ATG7: variants seen among roughly 807,000 people sequenced by gnomAD.
ATG7 encodes the protein ubiquitin-like modifier-activating enzyme ATG7.
In ATG7, 70 loss-of-function variants were observed where a neutral mutation model predicts 82.4. The observed-to-expected ratio is 0.85, with a 90% CI of 0.70 to 1.04. The LOEUF (loss-of-function observed/expected upper bound fraction) is 1.04. Among genes scored for constraint, ATG7 ranks in the 50% least tolerant of loss-of-function variants. The pLI is 0.00. For synonymous variants in ATG7, 287 were observed against 313.0 expected, an observed-to-expected ratio of 0.92 and a Z score of 0.88; for missense variants, 792 against 864.3, an observed-to-expected ratio of 0.92 and a Z score of 1.05.
intron 17 of ATG7, chr3:11,363,184 G>T: frequency 2.5e-6 from 1 of 393,456 alleles, no homozygotes; most frequent in Non-Finnish European, 4.7e-6. Flanking sequence ...GCTTATATAG[G>T]GCTTACTTTG....
At chr3:11,440,514 C>T (rs1190201134) in intron 20 of ATG7, among the ~76,000 whole-genome samples, 3 of 148,070 alleles carry the variant, frequency 2.0e-5, no homozygotes, top group Non-Finnish European at 4.5e-5. Flanking sequence ...TTAGTAGAGA[C>T]GGGGTTTCAC....
intron 20 of ATG7, among the ~76,000 whole-genome samples, chr3:11,471,203 T>A (rs2087473404): frequency 6.6e-6 from 1 of 152,116 alleles, no homozygotes; most frequent in Non-Finnish European, 1.5e-5. Flanking sequence ...CAGAATGAGA[T>A]CAGCTCTTCA....
chr3:11,437,518 T>C (rs1380567108), intron 20 of ATG7, among the ~76,000 whole-genome samples: 1 of 152,156 alleles, frequency 6.6e-6, no homozygotes, highest in Non-Finnish European at 1.5e-5. Flanking sequence ...GTTTAGAGGA[T>C]CTAAATCCCA....
At chr3:11,279,500 A>G (rs146005393) in intron 1 of ATG7, among the ~76,000 whole-genome samples, 28 of 152,302 alleles carry the variant, frequency 1.8e-4, no homozygotes, top group African/African-American at 5.5e-4. Context: ...CCTGACCAAC[A>G]TAGTGAAACC....
chr3:11,452,119 C>T (rs1446312303), intron 20 of ATG7, among the ~76,000 whole-genome samples: 4 of 151,852 alleles, frequency 2.6e-5, no homozygotes, highest in Admixed American at 2.6e-4. Context: ...TGTGGTGCCT[C>T]ACATCTGTAA....
At chr3:11,478,319 A>G (rs1193229945) in intron 20 of ATG7, among the ~76,000 whole-genome samples, 1 of 152,244 alleles carries the variant, frequency 6.6e-6, no homozygotes, top group Non-Finnish European at 1.5e-5. Flanking sequence ...AGACCAAGGT[A>G]TGAAAGTATT....
intron 20 of ATG7, among the ~76,000 whole-genome samples, chr3:11,518,715 G>A (rs1030362032): frequency 6.6e-6 from 1 of 152,174 alleles, no homozygotes; most frequent in Non-Finnish European, 1.5e-5. Context: ...TCCCAGAGTG[G>A]CCCATACCCA....
chr3:11,378,425 GTAACCCC>G (rs2077599613), intron 18 of ATG7, among the ~76,000 whole-genome samples: 1 of 150,972 alleles, frequency 6.6e-6, no homozygotes, highest in African/African-American at 2.4e-5. Flanking sequence ...GCTCACGCCC[GTAACCCC>G]AGCACTTTGG....
chr3:11,375,636 T>C (rs2077362384), intron 18 of ATG7, among the ~76,000 whole-genome samples: 1 of 152,204 alleles, frequency 6.6e-6, no homozygotes, highest in Non-Finnish European at 1.5e-5. Flanking sequence ...CGCAGCTCAC[T>C]GCAACCTCTG....
the ATG7 span, chr3:11,564,836 G>C: frequency 6.3e-7 from 1 of 1,597,778 alleles, no homozygotes; most frequent in Non-Finnish European, 8.5e-7. Context: ...GCGAGAGGCC[G>C]GCTGGCCTGC....
chr3:11,395,610 G>A (rs1333766122), intron 19 of ATG7, among the ~76,000 whole-genome samples: 1 of 152,086 alleles, frequency 6.6e-6, no homozygotes, highest in Non-Finnish European at 1.5e-5. Flanking sequence ...GGAAAGAAAC[G>A]CATCCCACAA....
chr3:11,522,241 T>C (rs984106332), intron 20 of ATG7, among the ~76,000 whole-genome samples: 3 of 152,154 alleles, frequency 2.0e-5, no homozygotes, highest in Admixed American at 6.5e-5. Flanking sequence ...GGAACAGCCC[T>C]GTGGAAGAGG....
At chr3:11,285,336 G>A (rs1391229699) in intron 3 of ATG7, among the ~76,000 whole-genome samples, 1 of 151,346 alleles carries the variant, frequency 6.6e-6, no homozygotes, top group Non-Finnish European at 1.5e-5. Flanking sequence ...ACAGGTGCCT[G>A]GCAATTTTTT....
chr3:11,418,027 G>A (rs2081552757), intron 19 of ATG7, among the ~76,000 whole-genome samples: 1 of 151,024 alleles, frequency 6.6e-6, no homozygotes, highest in African/African-American at 2.4e-5. Context: ...TAGCCAGGAT[G>A]GTCTCGATCT....
chr3:11,414,220 C>T (rs1245742002), intron 19 of ATG7, among the ~76,000 whole-genome samples: 3 of 152,092 alleles, frequency 2.0e-5, no homozygotes, highest in African/African-American at 7.2e-5. Flanking sequence ...TGCACACCAC[C>T]ACACCTAGCT....
chr3:11,553,078 C>G (rs2071975851), intron 20 of ATG7, among the ~76,000 whole-genome samples: 1 of 152,112 alleles, frequency 6.6e-6, no homozygotes, highest in African/African-American at 2.4e-5. Context: ...GGCAGGAGGT[C>G]CCGGAGGACA....
chr3:11,519,684 C>T (rs529147519), intron 20 of ATG7, among the ~76,000 whole-genome samples: 5 of 150,990 alleles, frequency 3.3e-5, no homozygotes, highest in South Asian at 2.1e-4. Flanking sequence ...CTCAGCCTCC[C>T]GAGTAGCTGG....
intron 20 of ATG7, among the ~76,000 whole-genome samples, chr3:11,429,946 A>G (rs2082718414): frequency 1.5e-5 from 1 of 67,200 alleles, no homozygotes; most frequent in Non-Finnish European, 3.5e-5. Context: ...ACTCTGTCTC[A>G]GGAAAAAAAA....
Position 11,339,582 on chromosome 3 carries a change from A to T in ATG7, c.890-1063A>T, listed in dbSNP as rs567231549. 2.0e-3 allele frequency among the ~76,000 whole-genome samples: 304 copies of T among 152,354 alleles called. 2 individuals are homozygous for T. Among genetic ancestry groups the T allele is most frequent in the African/African-American group, 7.2e-3 (298 of 41,582 alleles). ...GGAGCGCAAGAGAGTGGGATCCACT[A>T]GCAAGATTTACAAGGCTGTGGTTCC... On this transcript the variant is annotated intron_variant, in intron 11 of 20. Transcript: ENST00000693202.
Sources: allele counts gnomAD v4.1 joint callset (sites outside exome capture counted in the v4.1 genomes callset), GRCh38; gene constraint gnomAD v4.1.1; transcripts MANE v1.5; gene names NCBI Gene and HGNC (gene_info 2026-07-23, HGNC 2026-07-21).